The following ATAD2B variants were observed in gnomAD, a reference collection of about 807,000 sequenced individuals.
ATAD2B encodes the protein ATPase family AAA domain-containing protein 2B.
ATAD2B carries 40 observed loss-of-function variants against 167.6 expected under a neutral mutation model. That is an observed-to-expected ratio of 0.24 (90% CI 0.19 to 0.31). The LOEUF is 0.31. ATAD2B is among the 10% of genes least tolerant of loss of function. The probability of loss-of-function intolerance (pLI) is 1.00; values close to 1 mark genes in which losing one functional copy is unlikely to be tolerated. For missense variants in ATAD2B, 1,242 were observed against 1,757.2 expected (o/e 0.71, Z 5.24); for synonymous variants, 579 against 596.5 (o/e 0.97, Z 0.43).
chr2:23,905,786 T>C (rs548379049), intron 1 of ATAD2B, among the ~76,000 whole-genome samples: 2 of 152,324 alleles, frequency 1.3e-5, no homozygotes, highest in African/African-American at 4.8e-5. Context: ...AATTCATTCC[T>C]TCCACAAACA....
chr2:23,868,033 T>G lies in ATAD2B; in HGVS notation c.1077-87A>C. On this transcript the variant is annotated intron_variant, in intron 9 of 27. Transcript: ENST00000238789. ...TAAGTTTACATTCTTTGATGTGTCT[T>G]CATCTTTCTCCTTTTTCTCATAACC... The G allele has an allele frequency of 3.7e-6, 3 of 809,982 alleles. No homozygotes were observed. In the East Asian group the frequency reaches 7.6e-5, roughly 21 times the overall value. 50.2% of individuals were successfully genotyped at this position (809,982 alleles called of 1,614,324 possible).
intron 24 of ATAD2B, among the ~76,000 whole-genome samples, chr2:23,760,666 G>GA (rs1258468761): frequency 0.039 from 3,674 of 94,432 alleles, 58 homozygotes; most frequent in Non-Finnish European, 0.057. Context: ...TCTGTCTCAA[G>GA]AAAAAAAAAA....
At chr2:23,860,869 A>G (rs1366696987) in intron 12 of ATAD2B, among the ~76,000 whole-genome samples, 4 of 152,098 alleles carry the variant, frequency 2.6e-5, no homozygotes, top group African/African-American at 7.2e-5. Context: ...TACTTGGGAG[A>G]CTAAGGCAGG....
At chr2:23,909,616 G>T (rs1337002547) in intron 1 of ATAD2B, among the ~76,000 whole-genome samples, 1 of 151,964 alleles carries the variant, frequency 6.6e-6, no homozygotes, top group Non-Finnish European at 1.5e-5. Flanking sequence ...TGGTCAGAAG[G>T]ATGTACAGCA....
chr2:23,720,247 G>C, the ATAD2B span, among the ~76,000 whole-genome samples: 1 of 152,198 alleles, frequency 6.6e-6, no homozygotes. Flanking sequence ...GAGTACAGCA[G>C]AGGAGTGTAG....
At chr2:23,827,579 T>C (rs1688444837) in intron 15 of ATAD2B, among the ~76,000 whole-genome samples, 1 of 152,218 alleles carries the variant, frequency 6.6e-6, no homozygotes, top group African/African-American at 2.4e-5. Context: ...CCCAGTCCGA[T>C]CTGAACTCTA....
In ATAD2B at chr2:23,877,284, G is replaced by A. The variant is rs575504455; in HGVS notation, c.902-1380C>T. On this transcript the variant is annotated intron_variant, in intron 7 of 27. Transcript: ENST00000238789. ...GTGGATCACTTAAGGTCAGGAGTTC[G>A]AGCCAGCCTGACCAACATGGTGAAA... Among the ~76,000 whole-genome samples, 472 of 148,924 alleles carry A rather than the reference G, an allele frequency of 3.2e-3. 7 individuals are homozygous for A. Among genetic ancestry groups the A allele is most frequent in the Middle Eastern group, 0.026 (7 of 268 alleles).
chr2:23,710,259 G>A, the ATAD2B span, among the ~76,000 whole-genome samples: 2,317 of 152,254 alleles, frequency 0.015, 24 homozygotes, highest in Middle Eastern at 0.034. Flanking sequence ...CAGTTAAAGA[G>A]AATAGGTCTT....
chr2:23,903,863 A>G (rs1701129467), intron 1 of ATAD2B, among the ~76,000 whole-genome samples: 1 of 152,190 alleles, frequency 6.6e-6, no homozygotes, highest in Admixed American at 6.5e-5. Flanking sequence ...AGAAAACAAA[A>G]TAACTAGATT....
intron 1 of ATAD2B, among the ~76,000 whole-genome samples, chr2:23,907,310 C>T (rs915261017): frequency 1.2e-4 from 19 of 152,034 alleles, no homozygotes; most frequent in African/African-American, 4.6e-4. Context: ...CACAAGCATT[C>T]TTATACACCA....
the ATAD2B span, among the ~76,000 whole-genome samples, chr2:23,701,857 A>G: frequency 7.3e-6 from 1 of 137,716 alleles, no homozygotes; most frequent in Non-Finnish European, 1.5e-5. Flanking sequence ...CTGGAGTGCA[A>G]TGGCGCGATC....
intron 22 of ATAD2B, among the ~76,000 whole-genome samples, chr2:23,768,214 A>G (rs1677743250): frequency 6.6e-6 from 1 of 152,238 alleles, no homozygotes; most frequent in South Asian, 2.1e-4. Flanking sequence ...AGGTAAGTAC[A>G]CATCCATAAC....
chr2:23,717,909 C>T, the ATAD2B span, among the ~76,000 whole-genome samples: 7 of 151,950 alleles, frequency 4.6e-5, no homozygotes, highest in Non-Finnish European at 7.4e-5. Flanking sequence ...ATTTTAGAAA[C>T]GCAGGCTAAA....
the ATAD2B span, among the ~76,000 whole-genome samples, chr2:23,737,556 C>A: frequency 1.3e-5 from 2 of 152,086 alleles, no homozygotes; most frequent in African/African-American, 4.8e-5. Flanking sequence ...TACGTCACCA[C>A]CTTCAAAGAC....
chr2:23,889,254 G>A (rs1232250743), intron 2 of ATAD2B, among the ~76,000 whole-genome samples: 2 of 151,824 alleles, frequency 1.3e-5, no homozygotes, highest in Admixed American at 6.6e-5. Context: ...TGCTACCTCC[G>A]TCTCCCAGGC....
intron 22 of ATAD2B, among the ~76,000 whole-genome samples, chr2:23,768,452 T>A (rs2149339299): frequency 6.6e-6 from 1 of 151,826 alleles, no homozygotes; most frequent in South Asian, 2.1e-4. Flanking sequence ...ATGCCTGTGG[T>A]CCCAACTACT....
the ATAD2B span, chr2:23,684,645 C>A: frequency 1.0e-6 from 1 of 964,396 alleles, no homozygotes; most frequent in Non-Finnish European, 1.5e-6. This position sits in a 1 kb window ranked among gnomAD's most constrained non-coding sequence, Gnocchi z 4.4. Flanking sequence ...CTCCCTGTCA[C>A]AGAGCCAGTA....
intron 15 of ATAD2B, among the ~76,000 whole-genome samples, chr2:23,825,818 T>C (rs1486305670): frequency 6.6e-6 from 1 of 152,146 alleles, no homozygotes; most frequent in Non-Finnish European, 1.5e-5. Flanking sequence ...AATTAGCCAC[T>C]AGAAGGCATT....
chr2:23,813,782 T>C (rs578103407), intron 17 of ATAD2B, among the ~76,000 whole-genome samples: 2 of 151,896 alleles, frequency 1.3e-5, no homozygotes, highest in Non-Finnish European at 2.9e-5. Context: ...AAATGGATAA[T>C]AAAATAAATG....
Sources: allele counts gnomAD v4.1 joint callset (sites outside exome capture counted in the v4.1 genomes callset), GRCh38; gene constraint gnomAD v4.1.1; non-coding constraint Gnocchi (gnomAD v3.1); transcripts MANE v1.5; gene names NCBI Gene and HGNC (gene_info 2026-07-23, HGNC 2026-07-21).